RAB44: variants seen among roughly 807,000 people sequenced by gnomAD.
The protein encoded by RAB44 is RAB44, member RAS oncogene family.
RAB44 carries 67 observed loss-of-function variants against 93.3 expected under a neutral mutation model. The observed-to-expected ratio is 0.72, with a 90% CI of 0.59 to 0.88. The LOEUF (loss-of-function observed/expected upper bound fraction) is 0.88. Among genes scored for constraint, RAB44 ranks in the 40% least tolerant of loss-of-function variants. The pLI, the probability that RAB44 is intolerant of heterozygous loss-of-function variation, is 0.00. For synonymous variants in RAB44, 427 were observed against 520.3 expected, an observed-to-expected ratio of 0.82 and a Z score of 2.44; for missense variants, 1,064 against 1,261.7, an observed-to-expected ratio of 0.84 and a Z score of 2.37.
Position 36,700,382 on chromosome 6 carries a change from G to A in RAB44, c.-13+2467G>A, listed in dbSNP as rs116481780. Among the ~76,000 whole-genome samples the A allele has an allele frequency of 9.4e-3, 1,432 of 152,308 alleles. 30 individuals carry two copies. The highest frequency in any genetic ancestry group is 0.032 in the African/African-American group (1,313 of 41,570). On this transcript the variant is annotated intron_variant, in intron 1 of 13. Transcript: ENST00000612677. Reference sequence around the variant, plus strand: ...TGAGCCTCCTTTTCTGCATCTCCAGGTCACGAGAGTGGGACTGACCCTCAT... The same window carrying A: ...TGAGCCTCCTTTTCTGCATCTCCAGATCACGAGAGTGGGACTGACCCTCAT...
Position 36,723,310 on chromosome 6 carries a change from T to C in RAB44, c.2599+577T>C, listed in dbSNP as rs181131938. On this transcript the variant is annotated intron_variant, in intron 9 of 13. Transcript: ENST00000612677. ...TGCATAATGGGGACAACAGTAGTGCTGCCTTCCTAGAGTGGTTGAGGACTA... is the reference window on the plus strand; with the variant it reads ...TGCATAATGGGGACAACAGTAGTGCCGCCTTCCTAGAGTGGTTGAGGACTA... Among the ~76,000 whole-genome samples the C allele has an allele frequency of 3.7e-3, 566 of 152,342 alleles. 2 individuals carry two copies. The highest frequency in any genetic ancestry group is 0.013 in the African/African-American group (524 of 41,584).
At position 36,718,556 on chromosome 6, in the gene RAB44, G is replaced by A. The variant is rs369937401; in HGVS notation, c.796G>A (p.Glu266Lys). Residue 266 changes from glutamate (E) to lysine (K), a missense_variant, in exon 7 of 14, where the codon GAG (glutamate) becomes AAG (lysine). Physicochemically the swap from Glu to Lys is moderately conservative, Grantham distance 56. Transcript: ENST00000612677. ...GGACGTCCTAGAGGCCAAGGAGCGC[G>A]AGGTGCAGCGACTAGCTGAGGGCCA... ...MQDVLEAKER[E>K]VQRLAEGQRE... is the part of the protein sequence containing the mutation. 441 of 1,234,284 alleles carry A rather than the reference G, an allele frequency of 3.6e-4. 4 individuals are homozygous for A. In the African/African-American group the frequency reaches 6.3e-3, roughly 18 times the overall value. 76.5% of individuals were successfully genotyped at this position (1,234,284 alleles called of 1,614,324 possible).
intron 3 of RAB44, 103 bp from the exon 4 acceptor site, chr6:36,715,376 C>A: frequency 9.9e-7 from 1 of 1,005,218 alleles, no homozygotes; most frequent in Admixed American, 2.5e-5. Context: ...GTGACTGGCA[C>A]AGGTAGAATT....
rs146194907 is a variant in RAB44, at chr6:36,723,113, A to T, written c.2599+380A>T. 3.7e-3 allele frequency among the ~76,000 whole-genome samples: 564 copies of T among 152,366 alleles called. 2 individuals carry two copies. Among genetic ancestry groups the T allele is most frequent in the African/African-American group, 0.013 (523 of 41,580 alleles). The stretch of plus-strand genomic sequence containing the variant: ...ATGACTAGCTCCAGGCTGGGCAGCC[A>T]TGGTCTGGCAAGAAGTCACCTTGGG... On this transcript the variant is annotated intron_variant, in intron 9 of 13. Transcript: ENST00000612677.
chr6:36,717,401 T>C lies in RAB44; in HGVS notation c.623T>C (p.Leu208Pro). ...LQEAQADKEA[L>P]ELTLRKRDSD... is the part of the protein sequence containing the mutation. ...GAGGCCCAGGCGGACAAGGAGGCCC[T>C]GGAGCTGACCCTGAGGAAGTGAGTG... Residue 208 changes from leucine to proline, a missense_variant, in exon 5 of 14, where the codon CTG becomes CCG. Coordinates refer to ENST00000612677, the MANE Select transcript of RAB44 (RefSeq NM_001257357.2). This position sits in a 1 kb window ranked among gnomAD's most constrained non-coding sequence, Gnocchi z 4.1. 1 of 1,232,204 alleles carries C rather than the reference T, an allele frequency of 8.1e-7. No individual in the cohort carries two copies. 76.3% of individuals were successfully genotyped at this position (1,232,204 alleles called of 1,614,324 possible).
intron 7 of RAB44, among the ~76,000 whole-genome samples, chr6:36,719,483 G>T (rs1267588033): frequency 1.3e-5 from 2 of 152,180 alleles, no homozygotes; most frequent in Non-Finnish European, 2.9e-5. Flanking sequence ...CCAACTATGT[G>T]CCAGACACTG....
Position 36,722,250 on chromosome 6 carries a change from G to A in RAB44, c.2116G>A (p.Ala706Thr), listed in dbSNP as rs748357941. ...QSVEAHGLETAHSELPQQDSL... is the reference protein window; with the variant it reads ...QSVEAHGLETTHSELPQQDSL... ...GGTTGAGGCTCACGGCCTAGAAACT[G>A]CGCATTCGGAACTCCCCCAGCAAGA... Residue 706 changes from alanine (A) to threonine (T), a missense_variant, in exon 9 of 14, where the codon GCG (alanine) becomes ACG (threonine). Transcript: ENST00000612677. 3 of 1,275,248 alleles carry A rather than the reference G, an allele frequency of 2.4e-6. No homozygotes were observed. The allele number at this position is 1,275,248 out of a possible 1,614,324, so 79.0% of individuals were successfully genotyped here. A position where few individuals can be genotyped will look rare whatever the true frequency, so the allele number is the denominator to read the frequency against.
At chr6:36,725,457 C>A (rs1763214054) in intron 9 of RAB44, among the ~76,000 whole-genome samples, 1 of 152,232 alleles carries the variant, frequency 6.6e-6, no homozygotes, top group Non-Finnish European at 1.5e-5. Context: ...GTCCTGTAAC[C>A]AGTGTAACAG....
chr6:36,727,752 T>G, intron 11 of RAB44, 61 bp downstream of exon 11: 1 of 1,008,336 alleles, frequency 9.9e-7, no homozygotes, highest in Non-Finnish European at 1.5e-6. Context: ...TCTTATATCC[T>G]GCCCACTCCC....
Position 36,713,925 on chromosome 6 carries a change from T to C in RAB44, c.305T>C (p.Phe102Ser). 1 of 1,533,182 alleles carries C rather than the reference T, an allele frequency of 6.5e-7. No homozygotes were observed. The highest frequency in any genetic ancestry group is 8.7e-7 in the Non-Finnish European group (1 of 1,144,288). The allele number at this position is 1,533,182 out of a possible 1,614,324, so 95.0% of individuals were successfully genotyped here. Residue 102 changes from phenylalanine to serine, a missense_variant, in exon 3 of 14, where the codon TTC becomes TCC. Transcript: ENST00000612677. ...ERKGHLSLEEFSSGLKNIFGS... is the reference protein window; with the variant it reads ...ERKGHLSLEESSSGLKNIFGS... Reference sequence around the variant, plus strand: ...AAGGGACACCTGTCCCTTGAAGAATTCAGCTCTGGACTCAGTATGTCTGTC... The same window carrying C: ...AAGGGACACCTGTCCCTTGAAGAATCCAGCTCTGGACTCAGTATGTCTGTC...
chr6:36,725,902 G>A lies in RAB44; in HGVS notation c.2640G>A (p.Lys880=). 1 of 1,550,726 alleles carries A rather than the reference G, an allele frequency of 6.4e-7. No individual in the cohort carries two copies. The highest frequency in any genetic ancestry group is 1.2e-5 in the South Asian group (1 of 84,064). The change falls in exon 10 of 14, where the codon AAG becomes AAA. Residue 880 remains lysine (K), a synonymous_variant. Coordinates refer to ENST00000612677, the MANE Select transcript of RAB44 (RefSeq NM_001257357.2). ...FRVKTLLVDN[K]CFVLQLWDTA... ...TCAAAACCTTGCTGGTGGACAACAA[G>A]TGCTTTGTGCTGCAGCTCTGGGACA...
In RAB44 at chr6:36,727,694, GAGCAGAT is replaced by G; in HGVS notation, c.2796+4_2796+10del. The G allele has an allele frequency of 6.5e-7, 1 of 1,545,530 alleles. No homozygotes were observed. The highest frequency in any genetic ancestry group is 8.8e-7 in the Non-Finnish European group (1 of 1,142,410). Reference sequence around the variant, plus strand: ...GCTACTGGCTAGACTGTCTCCAGGTGAGCAGATGGCTGCTGGGGTTGGCCCCAGTCCC... The same window carrying G: ...GCTACTGGCTAGACTGTCTCCAGGTGGGCTGCTGGGGTTGGCCCCAGTCCC... On this transcript the variant is annotated splice_donor_5th_base_variant and intron_variant, in intron 11 of 13. Transcript: ENST00000612677.
At chr6:36,699,080 G>A (rs1304834145) in intron 1 of RAB44, among the ~76,000 whole-genome samples, 5 of 152,118 alleles carry the variant, frequency 3.3e-5, no homozygotes, top group Non-Finnish European at 7.4e-5. Context: ...TTGAGGTGGC[G>A]ATGGCTGGAG....
chr6:36,711,539 G>A (rs1244259027), intron 2 of RAB44, among the ~76,000 whole-genome samples: 3 of 152,162 alleles, frequency 2.0e-5, no homozygotes, highest in Admixed American at 6.6e-5. Context: ...TTCTGAGCTA[G>A]CGATTTCTAA....
chr6:36,712,227 C>T (rs924567381), intron 2 of RAB44, among the ~76,000 whole-genome samples: 2 of 152,082 alleles, frequency 1.3e-5, no homozygotes, highest in African/African-American at 4.8e-5. Flanking sequence ...TAGTTGAACT[C>T]GGGAGGTGGA....
chr6:36,724,139 T>TTTA (rs1763173232), intron 9 of RAB44, among the ~76,000 whole-genome samples: 2 of 146,390 alleles, frequency 1.4e-5, no homozygotes, highest in African/African-American at 5.1e-5. Context: ...CATTATTTTA[T>TTTA]TTTATTTATT....
At chr6:36,701,912 A>G (rs918535768) in intron 1 of RAB44, among the ~76,000 whole-genome samples, 4 of 152,000 alleles carry the variant, frequency 2.6e-5, no homozygotes, top group African/African-American at 9.7e-5. Flanking sequence ...GTCTGCCAGC[A>G]GGAAGTACCT....
chr6:36,728,867 G>A, intron 12 of RAB44, 66 bp downstream of exon 12: 1 of 1,323,506 alleles, frequency 7.6e-7, no homozygotes, highest in Non-Finnish European at 1.1e-6. Flanking sequence ...GGCAGGTGGT[G>A]GATAGGCATC....
chr6:36,719,293 G>A (rs750190470), intron 7 of RAB44, among the ~76,000 whole-genome samples: 6 of 152,220 alleles, frequency 3.9e-5, no homozygotes, highest in Non-Finnish European at 8.8e-5. Flanking sequence ...GGCTGGCCCT[G>A]TTACCAGGTT....
Sources: allele counts gnomAD v4.1 joint callset (sites outside exome capture counted in the v4.1 genomes callset), GRCh38; gene constraint gnomAD v4.1.1; non-coding constraint Gnocchi (gnomAD v3.1); transcripts MANE v1.5; gene names NCBI Gene and HGNC (gene_info 2026-07-23, HGNC 2026-07-21).